The following COL14A1 variants were observed in gnomAD, a reference collection of about 807,000 sequenced individuals.
COL14A1 encodes the protein collagen type XIV alpha 1 chain.
In COL14A1, 136 loss-of-function variants were observed where a neutral mutation model predicts 230.3. That is an observed-to-expected ratio of 0.59 (90% CI 0.51 to 0.68). COL14A1 has a LOEUF of 0.68. COL14A1 is among the 30% of genes least tolerant of loss of function. The probability of loss-of-function intolerance (pLI) is 0.00; values close to 1 mark genes in which losing one functional copy is unlikely to be tolerated. For missense variants in COL14A1, 1,976 were observed against 2,215.8 expected (o/e 0.89, Z 2.17); for synonymous variants, 792 against 784.1 (o/e 1.01, Z -0.17).
At chr8:120,229,943 C>T (rs192380972) in intron 18 of COL14A1, among the ~76,000 whole-genome samples, 8 of 152,236 alleles carry the variant, frequency 5.3e-5, no homozygotes, top group Middle Eastern at 3.4e-3. Flanking sequence ...TGCAGCACCA[C>T]GATCAAGGCT....
chr8:120,227,804 CT>C (rs1818146275), intron 17 of COL14A1, among the ~76,000 whole-genome samples: 1 of 152,200 alleles, frequency 6.6e-6, no homozygotes, highest in Non-Finnish European at 1.5e-5. Context: ...ACAAAATTTA[CT>C]TGCTGATTCA....
At chr8:120,371,017 G>A in intron 47 of COL14A1, 135 bp from the exon 48 acceptor site, 2 of 1,032,006 alleles carry the variant, frequency 1.9e-6, no homozygotes, top group South Asian at 3.2e-5. Flanking sequence ...GGTACAAGGG[G>A]CGTGGTGGAT....
intron 45 of COL14A1, among the ~76,000 whole-genome samples, chr8:120,355,323 A>G (rs930755897): frequency 1.3e-5 from 2 of 152,198 alleles, no homozygotes; most frequent in Non-Finnish European, 2.9e-5. Flanking sequence ...CAAGTCAACA[A>G]TAAGTTTGTT....
intron 1 of COL14A1, among the ~76,000 whole-genome samples, chr8:120,136,124 G>C (rs1321238619): frequency 6.6e-6 from 1 of 151,976 alleles, no homozygotes; most frequent in African/African-American, 2.4e-5. Context: ...GCACTGGCTA[G>C]GACCTCTAGT....
chr8:120,177,048 A>G (rs988275100), intron 5 of COL14A1, among the ~76,000 whole-genome samples: 1 of 152,158 alleles, frequency 6.6e-6, no homozygotes, highest in East Asian at 1.9e-4. Context: ...TTGAGAATGC[A>G]TAACCTTGGG....
chr8:120,276,853 AAAAT>A (rs1196836084), intron 26 of COL14A1, among the ~76,000 whole-genome samples: 11 of 151,674 alleles, frequency 7.3e-5, no homozygotes, highest in African/African-American at 1.7e-4. Context: ...AAAATAAAAT[AAAAT>A]TAGGTTATTA....
rs1332376097 is a variant in COL14A1, at chr8:120,371,863, T to G, written c.*632T>G. ...AGTGGTTTTAACTCATGTGAAATAA[T>G]GATTTTCCACCAGCTCTGATGCAAA... On this transcript the variant is annotated 3_prime_UTR_variant, in exon 48 of 48. Transcript: ENST00000297848. 2.7e-6 allele frequency: 1 copy of G among 374,430 alleles called. No homozygotes were observed. Among genetic ancestry groups the G allele is most frequent in the East Asian group, 3.8e-5 (1 of 26,592 alleles). The allele number at this position is 374,430 out of a possible 1,614,324, so 23.2% of individuals were successfully genotyped here.
intron 36 of COL14A1, among the ~76,000 whole-genome samples, chr8:120,305,730 A>AT (rs1324530158): frequency 6.6e-6 from 1 of 151,988 alleles, no homozygotes; most frequent in East Asian, 1.9e-4. Context: ...TTACATATAT[A>AT]TTTTTTGCTT....
intron 22 of COL14A1, among the ~76,000 whole-genome samples, chr8:120,251,996 T>C (rs1818982453): frequency 6.6e-6 from 1 of 152,042 alleles, no homozygotes; most frequent in Admixed American, 6.6e-5. Context: ...TCTTTCATTT[T>C]TTTTCTAGCT....
intron 35 of COL14A1, among the ~76,000 whole-genome samples, chr8:120,297,915 A>G (rs1820576909): frequency 6.6e-6 from 1 of 152,076 alleles, no homozygotes; most frequent in African/African-American, 2.4e-5. Flanking sequence ...CCATTTATGA[A>G]ATAATAGGTC....
At chr8:120,165,836 G>A (rs1815849966) in intron 4 of COL14A1, among the ~76,000 whole-genome samples, 1 of 152,180 alleles carries the variant, frequency 6.6e-6, no homozygotes, top group Non-Finnish European at 1.5e-5. Context: ...GGTATGCCTG[G>A]AGGCCACACC....
At chr8:120,232,132 A>G (rs1818291681) in intron 19 of COL14A1, 1 of 152,272 alleles carries the variant, frequency 6.6e-6, no homozygotes, top group Non-Finnish European at 1.5e-5. Flanking sequence ...CGTATTGAGT[A>G]GATTTATAGT....
At chr8:120,339,627 CAT>C (rs1425528006) in intron 42 of COL14A1, among the ~76,000 whole-genome samples, 1 of 152,146 alleles carries the variant, frequency 6.6e-6, no homozygotes, top group African/African-American at 2.4e-5. Context: ...CAATGTCCTA[CAT>C]TCTTTCCAAA....
intron 45 of COL14A1, among the ~76,000 whole-genome samples, chr8:120,356,460 C>G (rs899496034): frequency 6.6e-6 from 1 of 152,172 alleles, no homozygotes; most frequent in Admixed American, 6.5e-5. Flanking sequence ...CTCTGAAACT[C>G]CATTCATTCA....
At chr8:120,326,389 T>C (rs73331016) in intron 40 of COL14A1, among the ~76,000 whole-genome samples, 2,911 of 152,326 alleles carry the variant, frequency 0.019, 94 homozygotes, top group African/African-American at 0.066. Flanking sequence ...GAAGAGTGAC[T>C]GTCTTGTTCA....
intron 40 of COL14A1, among the ~76,000 whole-genome samples, chr8:120,317,332 C>G (rs1248112379): frequency 2.0e-5 from 3 of 152,046 alleles, no homozygotes; most frequent in South Asian, 2.1e-4. Flanking sequence ...GATGCGCAAG[C>G]CTTCTACATC....
At chr8:120,139,864 A>G (rs1367934272) in intron 1 of COL14A1, among the ~76,000 whole-genome samples, 1 of 151,990 alleles carries the variant, frequency 6.6e-6, no homozygotes, top group African/African-American at 2.4e-5. Flanking sequence ...TCTTTATAAA[A>G]AAAAATAAAA....
intron 36 of COL14A1, among the ~76,000 whole-genome samples, chr8:120,306,189 A>G (rs1035194800): frequency 6.6e-6 from 1 of 152,108 alleles, no homozygotes; most frequent in Admixed American, 6.6e-5. Context: ...TAATTACAGT[A>G]GTGTTTTAGC....
chr8:120,276,556 A>C (rs1340803007), intron 26 of COL14A1, among the ~76,000 whole-genome samples: 1 of 151,784 alleles, frequency 6.6e-6, no homozygotes, highest in Non-Finnish European at 1.5e-5. Flanking sequence ...CTCATTGTTC[A>C]ATTCCCACCT....
Sources: gnomAD v4.1 joint callset for allele counts (sites outside exome capture counted in the v4.1 genomes callset) on GRCh38, gnomAD v4.1.1 for gene constraint, MANE v1.5 for transcripts, NCBI Gene and HGNC (gene_info 2026-07-23, HGNC 2026-07-21) for gene names.